Variants in PTPRU observed in about 807,000 individuals in gnomAD.
PTPRU encodes protein tyrosine phosphatase receptor type U, also known as receptor-type tyrosine-protein phosphatase U.
In PTPRU, 69 loss-of-function variants were observed where a neutral mutation model predicts 166.3. The ratio of observed to expected loss-of-function variants is 0.41; its 90% CI spans 0.34 to 0.51. PTPRU has a LOEUF of 0.51. PTPRU is among the 20% of genes least tolerant of loss of function. The probability of loss-of-function intolerance (pLI) is 0.09; values close to 1 mark genes in which losing one functional copy is unlikely to be tolerated. For missense variants in PTPRU, 1,657 were observed against 2,013.7 expected, an observed-to-expected ratio of 0.82 and a Z score of 3.39; for synonymous variants, 793 against 814.0, an observed-to-expected ratio of 0.97 and a Z score of 0.44.
intron 26 of PTPRU, among the ~76,000 whole-genome samples, 187 bp downstream of exon 26, chr1:29,321,012 A>G (rs1022406389): frequency 5.3e-5 from 8 of 152,174 alleles, no homozygotes; most frequent in Non-Finnish European, 7.3e-5. Flanking sequence ...ATGGGAGATC[A>G]CTAGTTGCTC....
At chr1:29,281,226 G>A (rs961499907) in intron 11 of PTPRU, among the ~76,000 whole-genome samples, 1 of 152,110 alleles carries the variant, frequency 6.6e-6, no homozygotes, top group African/African-American at 2.4e-5. Flanking sequence ...CTCCTCTTCT[G>A]CTTTGTCTTC....
chr1:29,256,005 T>C (rs1684757974), intron 2 of PTPRU, among the ~76,000 whole-genome samples: 1 of 152,184 alleles, frequency 6.6e-6, no homozygotes, highest in South Asian at 2.1e-4. Flanking sequence ...TCATGGCCCC[T>C]AGAACACTCA....
At chr1:29,245,821 A>G (rs971006242) in intron 1 of PTPRU, among the ~76,000 whole-genome samples, 1 of 152,076 alleles carries the variant, frequency 6.6e-6, no homozygotes. Context: ...AGATCAACAC[A>G]TGGTTTTCTG....
rs1352743094 is a variant in PTPRU, at chr1:29,306,520, A to G, written c.2820+1092A>G. ...CAGATTAGATGAGCAAGTGCAGGCCAGGAGAGAGATCACACAGCTTGAGTG... is the reference window on the plus strand; with the variant it reads ...CAGATTAGATGAGCAAGTGCAGGCCGGGAGAGAGATCACACAGCTTGAGTG... On this transcript the variant is annotated intron_variant, in intron 18 of 29. Coordinates refer to ENST00000373779, the MANE Select transcript of PTPRU (RefSeq NM_133178.4). Among the ~76,000 whole-genome samples, 3 of 152,224 alleles carry G rather than the reference A, an allele frequency of 2.0e-5. No individual in the cohort carries two copies. In the East Asian group the frequency reaches 5.8e-4, roughly 29 times the overall value.
chr1:29,323,365 G>A lies in PTPRU; in HGVS notation c.3829-6G>A, dbSNP rs759338951. The A allele has an allele frequency of 6.2e-7, 1 of 1,604,544 alleles. No homozygotes were observed. The highest frequency in any genetic ancestry group is 1.7e-5 in the Admixed American group (1 of 58,990). ...TCAGCTCTCCCCTCTCCGTGCTTAT[G>A]CCCAGCCCTGCCTGCAGTACTGGCC... On this transcript the variant is annotated splice_region_variant and splice_polypyrimidine_tract_variant and intron_variant, in intron 26 of 29. Coordinates refer to ENST00000373779, the MANE Select transcript of PTPRU (RefSeq NM_133178.4).
intron 8 of PTPRU, among the ~76,000 whole-genome samples, chr1:29,278,488 C>A (rs530257759): frequency 7.2e-5 from 11 of 152,326 alleles, no homozygotes; most frequent in Non-Finnish European, 1.3e-4. Flanking sequence ...TTAACAGTAT[C>A]TCTGGGTGAT....
chr1:29,316,298 A>G, intron 24 of PTPRU, 147 bp downstream of exon 24: 4 of 1,027,422 alleles, frequency 3.9e-6, no homozygotes, highest in Non-Finnish European at 2.8e-6. Context: ...AGCTACCAGG[A>G]AGGACTTTGG....
rs1430417219 is a variant in PTPRU at position 29,291,964 on chromosome 1, C to T, written c.2414C>T (p.Thr805Ile). The T allele has an allele frequency of 1.2e-6, 2 of 1,614,150 alleles. No homozygotes were observed. Among genetic ancestry groups the T allele is most frequent in the African/African-American group, 1.3e-5 (1 of 75,036 alleles). The change falls in exon 15 of 30, where the codon ACC (threonine) becomes ATC (isoleucine). Residue 805 changes from threonine (T) to isoleucine (I), a missense_variant. Thr to Ile is a moderately conservative substitution (Grantham distance 89). Around this residue, in one of 3 missense-constraint regions of PTPRU, gnomAD observed 1,190 missense variants for 1,477.4 expected, o/e 0.81. Coordinates refer to ENST00000373779, the MANE Select transcript of PTPRU (RefSeq NM_133178.4). The surrounding 1 kb of genome is among the most constrained non-coding windows in gnomAD (Gnocchi z 4.1). ...GACCGCAGCTTCACAGACCAGAGCA[C>T]CCTGCAGGAGGACGAGCGGCTGGGC... Reference protein sequence around the residue: ...AVDRSFTDQSTLQEDERLGLS... With the variant: ...AVDRSFTDQSILQEDERLGLS...
At chr1:29,254,396 TTCC>T (rs1684682905) in intron 1 of PTPRU, among the ~76,000 whole-genome samples, 1 of 152,232 alleles carries the variant, frequency 6.6e-6, no homozygotes, top group African/African-American at 2.4e-5. Context: ...CAATCCTCAC[TTCC>T]TCCCCTCTTT....
intron 1 of PTPRU, among the ~76,000 whole-genome samples, chr1:29,252,993 A>G (rs1465210389): frequency 4.6e-5 from 7 of 152,228 alleles, no homozygotes; most frequent in African/African-American, 1.7e-4. Context: ...GGCCTCCAGA[A>G]CTTCTGGCCG....
In PTPRU at chr1:29,284,820, G is replaced by A; in HGVS notation, c.2269G>A (p.Ala757Thr). Residue 757 changes from alanine to threonine, a missense_variant, in exon 14 of 30, where the codon GCT becomes ACT. Ala to Thr is a moderately conservative substitution (Grantham distance 58). Coordinates refer to ENST00000373779, the MANE Select transcript of PTPRU (RefSeq NM_133178.4). ...CCTGGGCATCTGTGCAGGGGGGCTT[G>A]CTGTCCTCATCCTTCTCCTGGGTGC... The part of the protein sequence containing the change: ...LILGICAGGL[A>T]VLILLLGAII... The A allele has an allele frequency of 1.2e-6, 2 of 1,613,774 alleles. No homozygotes were observed. The highest frequency in any genetic ancestry group is 2.2e-5 in the East Asian group (1 of 44,882).
Position 29,311,863 on chromosome 1 carries a change from C to A in PTPRU, c.3072+104C>A. 1 of 1,114,462 alleles carries A rather than the reference C, an allele frequency of 9.0e-7. No homozygotes were observed. Among genetic ancestry groups the A allele is most frequent in the Non-Finnish European group, 1.3e-6 (1 of 759,776 alleles). 69.0% of individuals were successfully genotyped at this position (1,114,462 alleles called of 1,614,324 possible). On this transcript the variant is annotated intron_variant, in intron 21 of 29. Coordinates refer to ENST00000373779, the MANE Select transcript of PTPRU (RefSeq NM_133178.4). The surrounding 1 kb of genome is among the most constrained non-coding windows in gnomAD (Gnocchi z 4.1). ...GGGAGCAGGAGGGTGAGGAGCGCACCACTGCCCATCCCAGCAAGGAAGCTA... is the reference window on the plus strand; with the variant it reads ...GGGAGCAGGAGGGTGAGGAGCGCACAACTGCCCATCCCAGCAAGGAAGCTA...
chr1:29,313,836 C>T (rs1050898560), intron 22 of PTPRU, among the ~76,000 whole-genome samples: 1 of 152,134 alleles, frequency 6.6e-6, no homozygotes, highest in African/African-American at 2.4e-5. Context: ...GCCTGGGCAA[C>T]AGAGCGAGAC....
chr1:29,297,255 A>G (rs907699804), intron 15 of PTPRU, among the ~76,000 whole-genome samples: 6 of 151,626 alleles, frequency 4.0e-5, no homozygotes, highest in South Asian at 2.1e-4. Context: ...GGGTTTCACT[A>G]TGTTGGCCAG....
intron 1 of PTPRU, among the ~76,000 whole-genome samples, chr1:29,251,981 G>A (rs1041868972): frequency 2.0e-5 from 3 of 152,200 alleles, no homozygotes; most frequent in Admixed American, 6.5e-5. Context: ...GCTGCACTGT[G>A]GGTCTTTTTC....
At position 29,280,071 on chromosome 1, in the gene PTPRU, C is replaced by G; in HGVS notation, c.1798C>G (p.Pro600Ala). 6.2e-7 allele frequency: 1 copy of G among 1,613,814 alleles called. No individual in the cohort carries two copies. The change falls in exon 11 of 30, where the codon CCC becomes GCC. Residue 600 changes from proline (P) to alanine (A), a missense_variant. Transcript: ENST00000373779. The surrounding 1 kb of genome is among the most constrained non-coding windows in gnomAD (Gnocchi z 4.2). Reference protein sequence around the residue: ...PSFDYADMPSPLGESENTITV... With the variant: ...PSFDYADMPSALGESENTITV... ...CTTTGATTATGCCGACATGCCGTCACCCCTGGGCGAGTCTGAGAACACCAT... is the reference window on the plus strand; with the variant it reads ...CTTTGATTATGCCGACATGCCGTCAGCCCTGGGCGAGTCTGAGAACACCAT...
chr1:29,314,082 T>G (rs1467336494), intron 22 of PTPRU, among the ~76,000 whole-genome samples: 2 of 152,230 alleles, frequency 1.3e-5, no homozygotes, highest in Non-Finnish European at 1.5e-5. Context: ...GCCTTAGGTT[T>G]GTGAGGCTCG....
intron 15 of PTPRU, among the ~76,000 whole-genome samples, chr1:29,303,609 C>T (rs79854629): frequency 0.2 from 30,870 of 152,118 alleles, 3,987 homozygotes; most frequent in East Asian, 0.64. Flanking sequence ...CAGGCAGGGC[C>T]GCAAGGGCCC....
At chr1:29,264,189 G>C (rs1422612400) in intron 7 of PTPRU, among the ~76,000 whole-genome samples, 1 of 150,198 alleles carries the variant, frequency 6.7e-6, no homozygotes, top group African/African-American at 2.4e-5. Flanking sequence ...AAAAAAAGGA[G>C]TATTTATATA....
Sources: gnomAD v4.1 joint callset for allele counts (sites outside exome capture counted in the v4.1 genomes callset) on GRCh38, gnomAD v4.1.1 for gene constraint, gnomAD v4.1.1 regional missense constraint, Gnocchi (gnomAD v3.1) non-coding constraint, MANE v1.5 for transcripts, NCBI Gene and HGNC (gene_info 2026-07-23, HGNC 2026-07-21) for gene names.